Variants in PDE3B observed in about 807,000 individuals in gnomAD.
PDE3B encodes cGMP-inhibited 3',5'-cyclic phosphodiesterase 3B.
In PDE3B, 66 loss-of-function variants were observed where a neutral mutation model predicts 116.8. The observed-to-expected ratio is 0.56, with a 90% confidence interval of 0.46 to 0.69. The LOEUF (loss-of-function observed/expected upper bound fraction) is 0.69. Ranked by LOEUF, PDE3B falls within the 30% of genes least tolerant of loss-of-function variation. The probability of loss-of-function intolerance (pLI) is 0.00; values close to 1 mark genes in which losing one functional copy is unlikely to be tolerated. For missense variants in PDE3B, 1,384 were observed against 1,368.1 expected (o/e 1.01, Z -0.18); for synonymous variants, 595 against 533.6 (o/e 1.12, Z -1.59).
intron 1 of PDE3B, among the ~76,000 whole-genome samples, chr11:14,733,729 A>C (rs2133856739): frequency 6.6e-6 from 1 of 152,354 alleles, no homozygotes; most frequent in East Asian, 1.9e-4. Flanking sequence ...AGCAGAGAGA[A>C]AATGAAAAAG....
chr11:14,704,023 T>C (rs975970318), intron 1 of PDE3B, among the ~76,000 whole-genome samples: 1 of 151,800 alleles, frequency 6.6e-6, no homozygotes, highest in East Asian at 1.9e-4. Context: ...ATTTTCAGTT[T>C]GGCTTGATGA....
In PDE3B at chr11:14,652,519, T is replaced by C. The variant is rs190944409; in HGVS notation, c.978+7466T>C. ...TGAATTTTTCTGTTTCTGCAAAAAA[T>C]GTCATTGGGGTTTATTTTTTATTGT... On this transcript the variant is annotated intron_variant, in intron 1 of 15. Transcript: ENST00000282096. 4.5e-3 allele frequency among the ~76,000 whole-genome samples: 684 copies of C among 152,292 alleles called. 3 individuals carry two copies. Among genetic ancestry groups the C allele is most frequent in the African/African-American group, 0.015 (609 of 41,576 alleles).
chr11:14,674,541 C>T, intron 1 of PDE3B: 1 of 468,420 alleles, frequency 2.1e-6, no homozygotes, highest in Admixed American at 2.7e-5. Context: ...GCTTTGGGTC[C>T]TGTTTTGAAG....
intron 1 of PDE3B, among the ~76,000 whole-genome samples, chr11:14,689,493 A>C (rs189265013): frequency 2.5e-4 from 38 of 152,294 alleles, no homozygotes; most frequent in Non-Finnish European, 2.5e-4. Context: ...TTGATAGTCT[A>C]GTTACTAGAT....
At chr11:14,663,515 CA>C (rs1193678344) in intron 1 of PDE3B, among the ~76,000 whole-genome samples, 1 of 152,048 alleles carries the variant, frequency 6.6e-6, no homozygotes, top group African/African-American at 2.4e-5. Flanking sequence ...CTCCTCACTT[CA>C]AAAAACCTGT....
At chr11:14,760,475 T>C (rs1189803971) in intron 1 of PDE3B, among the ~76,000 whole-genome samples, 1 of 152,184 alleles carries the variant, frequency 6.6e-6, no homozygotes, top group Non-Finnish European at 1.5e-5. Flanking sequence ...ATATTAATAA[T>C]TGATGAATTA....
chr11:14,718,676 G>A (rs1855995233), intron 1 of PDE3B, among the ~76,000 whole-genome samples: 1 of 150,180 alleles, frequency 6.7e-6, no homozygotes, highest in African/African-American at 2.5e-5. Flanking sequence ...TGACTACTGG[G>A]TACATAATGA....
rs568232974 is a variant in PDE3B, at chr11:14,786,137, C to G, written c.1030-300C>G. Among the ~76,000 whole-genome samples, 4 of 151,670 alleles carry G rather than the reference C, an allele frequency of 2.6e-5. No homozygotes were observed. The South Asian group carries it at 8.3e-4, about 32-fold the overall frequency. On this transcript the variant is annotated intron_variant, in intron 2 of 15. Transcript: ENST00000282096. ...GTGAGTAAGGTAAATGAAATAAATGCTTTGTATGTTTAAAATTTTGTTATA... is the reference window on the plus strand; with the variant it reads ...GTGAGTAAGGTAAATGAAATAAATGGTTTGTATGTTTAAAATTTTGTTATA...
intron 1 of PDE3B, among the ~76,000 whole-genome samples, chr11:14,676,703 A>G (rs746997886): frequency 3.2e-4 from 48 of 152,172 alleles, no homozygotes; most frequent in Non-Finnish European, 2.1e-4. Context: ...AAAGTTCATT[A>G]TGTGGCATGT....
At chr11:14,701,316 G>C (rs1422551017) in intron 1 of PDE3B, among the ~76,000 whole-genome samples, 1 of 151,544 alleles carries the variant, frequency 6.6e-6, no homozygotes, top group African/African-American at 2.4e-5. Context: ...AATTATCTTT[G>C]ATTTCAGTTA....
In PDE3B at chr11:14,870,372, C is replaced by T. The variant is rs1283809335; in HGVS notation, c.*712C>T. ...GGACATCAGAAGTTTGAATTCCAGT[C>T]TTATCTTATGTTCCATGGCTGAATT... is the stretch of plus-strand genomic sequence containing the variant. On this transcript the variant is annotated 3_prime_UTR_variant, in exon 16 of 16. Transcript: ENST00000282096. This position sits in a 1 kb window ranked among gnomAD's most constrained non-coding sequence, Gnocchi z 4.1. 6.6e-6 allele frequency: 1 copy of T among 152,526 alleles called. No homozygotes were observed. The highest frequency in any genetic ancestry group is 1.5e-5 in the Non-Finnish European group (1 of 68,014). 9.4% of individuals were successfully genotyped at this position (152,526 alleles called of 1,614,324 possible). A position where few individuals can be genotyped will look rare whatever the true frequency, so the allele number is the denominator to read the frequency against.
chr11:14,764,983 G>C (rs1021554239), intron 1 of PDE3B, among the ~76,000 whole-genome samples: 2 of 151,248 alleles, frequency 1.3e-5, no homozygotes, highest in Admixed American at 1.3e-4. Flanking sequence ...TATAGCTTTA[G>C]TTAGTTTAAC....
intron 1 of PDE3B, among the ~76,000 whole-genome samples, chr11:14,753,062 A>G (rs1857096582): frequency 6.6e-6 from 1 of 152,110 alleles, no homozygotes; most frequent in Non-Finnish European, 1.5e-5. Flanking sequence ...TTTTGTCAGG[A>G]GTCTAGGATC....
intron 2 of PDE3B, among the ~76,000 whole-genome samples, chr11:14,777,706 A>G (rs1857829813): frequency 6.6e-6 from 1 of 152,208 alleles, no homozygotes; most frequent in African/African-American, 2.4e-5. Flanking sequence ...GAACAGCTCC[A>G]GTCTACAGCT....
Position 14,643,885 on chromosome 11 carries a change from C to A in PDE3B, c.-191C>A. 1 of 783,860 alleles carries A rather than the reference C, an allele frequency of 1.3e-6. No individual in the cohort carries two copies. The highest frequency in any genetic ancestry group is 1.8e-6 in the Non-Finnish European group (1 of 546,592). The allele number at this position is 783,860 out of a possible 1,614,324, so 48.6% of individuals were successfully genotyped here. On this transcript the variant is annotated 5_prime_UTR_variant, in exon 1 of 16. Coordinates refer to ENST00000282096, the MANE Select transcript of PDE3B (RefSeq NM_000922.4). ...AAGCCCCTTCCGCCCCTCTCCTCAG[C>A]CAGCATGTCCCGGACTCCGCCGCTC...
intron 1 of PDE3B, among the ~76,000 whole-genome samples, chr11:14,754,629 G>A (rs564392016): frequency 1.1e-4 from 17 of 152,128 alleles, no homozygotes; most frequent in African/African-American, 3.9e-4. Flanking sequence ...TTCTAGCCAG[G>A]TGCAGTGGTG....
At chr11:14,657,467 C>T (rs773585941) in intron 1 of PDE3B, among the ~76,000 whole-genome samples, 2 of 152,112 alleles carry the variant, frequency 1.3e-5, no homozygotes, top group African/African-American at 2.4e-5. Flanking sequence ...AGATAGTAAT[C>T]GTTAAAAGCA....
At chr11:14,880,263 T>C in the PDE3B span, 144 of 1,613,114 alleles carry the variant, frequency 8.9e-5, no homozygotes, top group Admixed American at 9.4e-4. Flanking sequence ...AAGTAGATGA[T>C]GGGTCATTTT....
chr11:14,806,858 C>CAAAAAAA (rs953411145), intron 5 of PDE3B, among the ~76,000 whole-genome samples: 4 of 45,900 alleles, frequency 8.7e-5, no homozygotes, highest in Admixed American at 2.4e-4. Context: ...GACTCCGTCT[C>CAAAAAAA]AAAAAAAAAA....
Sources: allele counts gnomAD v4.1 joint callset (sites outside exome capture counted in the v4.1 genomes callset), GRCh38; gene constraint gnomAD v4.1.1; non-coding constraint Gnocchi (gnomAD v3.1); transcripts MANE v1.5; gene names NCBI Gene and HGNC (gene_info 2026-07-23, HGNC 2026-07-21).